ARSK: variants seen among roughly 807,000 people sequenced by gnomAD.
ARSK encodes arylsulfatase K.
A neutral mutation model predicts 53.2 loss-of-function variants in ARSK; 37 were observed. The ratio of observed to expected loss-of-function variants is 0.70; its 90% CI spans 0.54 to 0.92. ARSK has a LOEUF of 0.92. ARSK is among the 40% of genes least tolerant of loss of function. ARSK has a pLI of 0.00. For synonymous variants in ARSK, 208 were observed against 223.2 expected (o/e 0.93, Z 0.61); for missense variants, 613 against 643.0 (o/e 0.95, Z 0.51).
At chr5:95,596,283 C>G (rs1194165667) in intron 6 of ARSK, among the ~76,000 whole-genome samples, 1 of 152,162 alleles carries the variant, frequency 6.6e-6, no homozygotes, top group East Asian at 1.9e-4. Context: ...CTACAAAGGA[C>G]TTCTTATTTT....
rs778090424 is a variant in ARSK, at chr5:95,586,523, A to C, written c.700-39A>C. 3.3e-6 allele frequency: 5 copies of C among 1,522,714 alleles called. No individual in the cohort carries two copies. In the South Asian group the frequency reaches 6.0e-5, roughly 18 times the overall value. The allele number at this position is 1,522,714 out of a possible 1,614,324, so 94.3% of individuals were successfully genotyped here. ...CTTATTGGAGGAAAGAAATAGCACTATTTTGCTAGCATAACTAAGTTTTTT... is the reference window on the plus strand; with the variant it reads ...CTTATTGGAGGAAAGAAATAGCACTCTTTTGCTAGCATAACTAAGTTTTTT... On this transcript the variant is annotated intron_variant, in intron 4 of 7. Transcript: ENST00000380009.
At chr5:95,558,810 A>G (rs960377417) in intron 1 of ARSK, among the ~76,000 whole-genome samples, 1 of 152,128 alleles carries the variant, frequency 6.6e-6, no homozygotes, top group Admixed American at 6.5e-5. Context: ...TTCTTCATCT[A>G]CTCTTCCAAA....
chr5:95,598,122 A>T (rs1749344170), intron 6 of ARSK, among the ~76,000 whole-genome samples: 1 of 152,108 alleles, frequency 6.6e-6, no homozygotes, highest in South Asian at 2.1e-4. Context: ...TCTTCAGGAG[A>T]TCATCACACA....
At position 95,601,515 on chromosome 5, in the gene ARSK, C is replaced by T. The variant is rs56742088; in HGVS notation, c.1321+444C>T. Among the ~76,000 whole-genome samples, 1,004 of 152,264 alleles carry T rather than the reference C, an allele frequency of 6.6e-3. 14 individuals carry two copies. Among genetic ancestry groups the T allele is most frequent in the African/African-American group, 0.023 (946 of 41,540 alleles). On this transcript the variant is annotated intron_variant, in intron 7 of 7. Transcript: ENST00000380009. ...GAGTCTATGAGAGAAATTTGGATAC[C>T]TGTGTGAGGTCTCACAGCTAAGAAG...
intron 5 of ARSK, among the ~76,000 whole-genome samples, 166 bp downstream of exon 5, chr5:95,586,899 C>T (rs1287836211): frequency 6.6e-6 from 1 of 152,128 alleles, no homozygotes; most frequent in African/African-American, 2.4e-5. Context: ...GAATGAAAAG[C>T]TCTTTACATC....
intron 3 of ARSK, among the ~76,000 whole-genome samples, chr5:95,580,411 T>G (rs10515228): frequency 0.06 from 9,118 of 152,296 alleles, 334 homozygotes; most frequent in East Asian, 0.11. Context: ...GGTGCAATAG[T>G]TTAGCCTGAT....
chr5:95,558,370 A>T (rs376693816), intron 1 of ARSK, among the ~76,000 whole-genome samples: 1 of 152,220 alleles, frequency 6.6e-6, no homozygotes, highest in African/African-American at 2.4e-5. Flanking sequence ...AATAAGGATT[A>T]GGGCAGAAAT....
At chr5:95,582,729 T>G (rs1749038480) in intron 3 of ARSK, among the ~76,000 whole-genome samples, 187 bp from the exon 4 acceptor site, 1 of 152,194 alleles carries the variant, frequency 6.6e-6, no homozygotes, top group Non-Finnish European at 1.5e-5. Context: ...TTCTTGGCTT[T>G]TTTTCTATTT....
intron 6 of ARSK, among the ~76,000 whole-genome samples, chr5:95,600,131 C>T (rs931094485): frequency 2.0e-5 from 3 of 152,160 alleles, no homozygotes; most frequent in African/African-American, 7.2e-5. Context: ...TTCTATATGT[C>T]TACATTTGGT....
At chr5:95,559,751 A>G (rs979354086) in intron 1 of ARSK, among the ~76,000 whole-genome samples, 1 of 152,200 alleles carries the variant, frequency 6.6e-6, no homozygotes, top group Non-Finnish European at 1.5e-5. Flanking sequence ...TGAATGGTTA[A>G]AAGAAAAAAA....
chr5:95,580,310 GTT>G (rs1014218322), intron 3 of ARSK, among the ~76,000 whole-genome samples: 2 of 152,130 alleles, frequency 1.3e-5, no homozygotes, highest in African/African-American at 2.4e-5. Context: ...TTTGGAAAAA[GTT>G]ATAGCAATTA....
Position 95,578,177 on chromosome 5 carries a change from G to A in ARSK, c.417-4739G>A, listed in dbSNP as rs1394722854. On this transcript the variant is annotated intron_variant, in intron 3 of 7. Transcript: ENST00000380009. ...GAGAAGAATTTTTTTTAAGAGATGA[G>A]GTCTCATTTTGTCACCTAGGCTGGA... 2.0e-5 allele frequency among the ~76,000 whole-genome samples: 3 copies of A among 151,936 alleles called. No individual in the cohort carries two copies. The East Asian group carries it at 5.8e-4, about 29-fold the overall frequency.
chr5:95,576,104 T>C (rs890649889), intron 3 of ARSK, among the ~76,000 whole-genome samples: 6 of 152,032 alleles, frequency 3.9e-5, no homozygotes, highest in African/African-American at 1.2e-4. Flanking sequence ...TAAAGGGATG[T>C]TGAATTTTAT....
chr5:95,576,090 A>T (rs918218229), intron 3 of ARSK, among the ~76,000 whole-genome samples: 3 of 152,000 alleles, frequency 2.0e-5, no homozygotes, highest in Non-Finnish European at 4.4e-5. Context: ...GGGGTGGGTA[A>T]TCATAAAGGG....
At chr5:95,566,328 C>T (rs1388106787) in intron 2 of ARSK, among the ~76,000 whole-genome samples, 2 of 152,136 alleles carry the variant, frequency 1.3e-5, no homozygotes, top group East Asian at 3.8e-4. Flanking sequence ...GAATTTTTAT[C>T]ATTTAGAAAG....
intron 3 of ARSK, among the ~76,000 whole-genome samples, chr5:95,572,721 C>T (rs1477401496): frequency 2.0e-5 from 3 of 149,172 alleles, no homozygotes; most frequent in Admixed American, 1.3e-4. Context: ...GAGCTTGCAG[C>T]GAGCCGAGAT....
chr5:95,576,078 G>C (rs550371820), intron 3 of ARSK, among the ~76,000 whole-genome samples: 4 of 152,046 alleles, frequency 2.6e-5, no homozygotes, highest in African/African-American at 9.7e-5. Flanking sequence ...TTTTTGTGGT[G>C]GGGGGTGGGT....
rs555276523 is a variant in ARSK, at chr5:95,568,901, A to G, written c.416+852A>G. On this transcript the variant is annotated intron_variant, in intron 3 of 7. Transcript: ENST00000380009. ...ATATAATCAGCACCCCCGCCTAAAA[A>G]ACTTGGGTACTGATTCTCTAATGAG... 2.6e-5 allele frequency among the ~76,000 whole-genome samples: 4 copies of G among 152,152 alleles called. No homozygotes were observed. In the South Asian group the frequency reaches 6.2e-4, roughly 24 times the overall value.
At chr5:95,571,016 C>T (rs945890736) in intron 3 of ARSK, among the ~76,000 whole-genome samples, 2 of 152,310 alleles carry the variant, frequency 1.3e-5, no homozygotes, top group Middle Eastern at 6.8e-3. Flanking sequence ...CTCCTGACCT[C>T]ATGATCTGCC....
Sources: gnomAD v4.1 joint callset for allele counts (sites outside exome capture counted in the v4.1 genomes callset) on GRCh38, gnomAD v4.1.1 for gene constraint, MANE v1.5 for transcripts, NCBI Gene and HGNC (gene_info 2026-07-23, HGNC 2026-07-21) for gene names.